WDR91: variants seen among roughly 807,000 people sequenced by gnomAD.
WDR91 encodes the protein WD repeat domain 91, also known as WD repeat-containing protein 91.
In WDR91, 52 loss-of-function variants were observed where a neutral mutation model predicts 88.4. That is an observed-to-expected ratio of 0.59 (90% CI 0.47 to 0.74). WDR91 has a LOEUF of 0.74. Ranked by LOEUF, WDR91 falls within the 30% of genes least tolerant of loss-of-function variation. The pLI is 0.00. For synonymous variants in WDR91, 362 were observed against 389.5 expected (o/e 0.93, Z 0.83); for missense variants, 824 against 954.5 (o/e 0.86, Z 1.80).
At chr7:135,204,033 G>A (rs868701252) in intron 6 of WDR91, among the ~76,000 whole-genome samples, 5 of 152,188 alleles carry the variant, frequency 3.3e-5, no homozygotes, top group Non-Finnish European at 7.3e-5. Flanking sequence ...CTCTCAAATC[G>A]TCTGCTACAG....
Position 135,196,285 on chromosome 7 carries a change from T to C in WDR91, c.1103A>G (p.Glu368Gly). 2 of 1,608,090 alleles carry C rather than the reference T, an allele frequency of 1.2e-6. No individual in the cohort carries two copies. The highest frequency in any genetic ancestry group is 1.1e-5 in the South Asian group (1 of 90,318). The change falls in exon 8 of 15, where the codon GAG becomes GGG. Residue 368 changes from glutamate (E) to glycine (G), a missense_variant. Transcript: ENST00000354475. This position sits in a 1 kb window ranked among gnomAD's most constrained non-coding sequence, Gnocchi z 4.2. The part of the protein sequence containing the change: ...ASGPEAEPCP[E>G]LHTEPVEPLT... Reference sequence around the variant, plus strand: ...TGGCTCCACTGGCTCCGTGTGGAGCTCTGGGCAGGGCTCAGCCTCTGGGCC... The same window carrying C: ...TGGCTCCACTGGCTCCGTGTGGAGCCCTGGGCAGGGCTCAGCCTCTGGGCC...
chr7:135,193,389 G>A lies in WDR91; in HGVS notation c.1501C>T (p.Leu501Phe). The change falls in exon 11 of 15, where the codon CTT becomes TTT. Residue 501 changes from leucine (L) to phenylalanine (F), a missense_variant. Leu to Phe is a conservative substitution (Grantham distance 22). Coordinates refer to ENST00000354475, the MANE Select transcript of WDR91 (RefSeq NM_014149.4). Reference sequence around the variant, plus strand: ...GAGGCCCCGTTGGGGCTGCACGCAAGAGACAGGATTCTGCAACACACATGG... The same window carrying A: ...GAGGCCCCGTTGGGGCTGCACGCAAAAGACAGGATTCTGCAACACACATGG... ...INDNMPRILSLACSPNGASFV... is the reference protein window; with the variant it reads ...INDNMPRILSFACSPNGASFV... 6.2e-7 allele frequency: 1 copy of A among 1,614,162 alleles called. No homozygotes were observed. The highest frequency in any genetic ancestry group is 8.5e-7 in the Non-Finnish European group (1 of 1,180,024).
intron 3 of WDR91, among the ~76,000 whole-genome samples, chr7:135,208,509 A>T (rs1234613286): frequency 6.6e-6 from 1 of 152,142 alleles, no homozygotes; most frequent in Non-Finnish European, 1.5e-5. Flanking sequence ...TTCCAACCCC[A>T]GTGCCTGCTG....
intron 3 of WDR91, among the ~76,000 whole-genome samples, chr7:135,208,574 T>C (rs1055498669): frequency 3.3e-5 from 5 of 152,218 alleles, no homozygotes; most frequent in African/African-American, 1.2e-4. Context: ...ACACGTCAGC[T>C]AATACTTCAG....
intron 11 of WDR91, among the ~76,000 whole-genome samples, chr7:135,190,792 G>C (rs1273030090): frequency 6.6e-6 from 1 of 152,150 alleles, no homozygotes; most frequent in Non-Finnish European, 1.5e-5. Context: ...CAAACTGATG[G>C]ATCTGAAGAA....
chr7:135,209,847 T>C (rs1354948052), intron 1 of WDR91, 92 bp from the exon 2 acceptor site: 8 of 1,211,168 alleles, frequency 6.6e-6, no homozygotes, highest in Non-Finnish European at 6.6e-6. Context: ...TCATGGCTTC[T>C]GGGTGTAAAA....
At position 135,211,254 on chromosome 7, in the gene WDR91, T is replaced by G; in HGVS notation, c.123+126A>C. On this transcript the variant is annotated intron_variant, in intron 1 of 14. Coordinates refer to ENST00000354475, the MANE Select transcript of WDR91 (RefSeq NM_014149.4). ...TCCGTCAAGCTGGGGTCGGACGCGCTGAGGTCTCCGGCGCCCCGGCGCGAG... is the reference window on the plus strand; with the variant it reads ...TCCGTCAAGCTGGGGTCGGACGCGCGGAGGTCTCCGGCGCCCCGGCGCGAG... The G allele has an allele frequency of 2.9e-6, 4 of 1,402,870 alleles. No individual in the cohort carries two copies. The South Asian group carries it at 6.0e-5, about 21-fold the overall frequency. 86.9% of individuals were successfully genotyped at this position (1,402,870 alleles called of 1,614,324 possible). A position where few individuals can be genotyped will look rare whatever the true frequency, so the allele number is the denominator to read the frequency against.
Position 135,185,882 on chromosome 7 carries a change from TC to T in WDR91, c.*268del, listed in dbSNP as rs1429341028. 10 of 437,430 alleles carry T rather than the reference TC, an allele frequency of 2.3e-5. No homozygotes were observed. The highest frequency in any genetic ancestry group is 3.6e-5 in the Non-Finnish European group (9 of 249,976). 27.1% of individuals were successfully genotyped at this position (437,430 alleles called of 1,614,324 possible). On this transcript the variant is annotated 3_prime_UTR_variant, in exon 15 of 15. Coordinates refer to ENST00000354475, the MANE Select transcript of WDR91 (RefSeq NM_014149.4). The stretch of plus-strand genomic sequence containing the variant: ...AACACAGTAGCCACTGCAATGTTTC[TC>T]CTTCTTCCGGAGCTTTCCTCCCATA...
intron 4 of WDR91, among the ~76,000 whole-genome samples, chr7:135,206,479 A>G (rs1463366427): frequency 6.6e-6 from 1 of 152,044 alleles, no homozygotes; most frequent in Non-Finnish European, 1.5e-5. Flanking sequence ...AATTACATAT[A>G]CACACACCCC....
intron 7 of WDR91, chr7:135,197,153 A>AT (rs1831405381): frequency 6.6e-6 from 1 of 152,152 alleles, no homozygotes; most frequent in Admixed American, 6.5e-5. Context: ...GAGTTCAACA[A>AT]TAAAAAAAAA....
At chr7:135,187,347 G>A (rs182360769) in intron 13 of WDR91, among the ~76,000 whole-genome samples, 178 bp from the exon 14 acceptor site, 9 of 152,332 alleles carry the variant, frequency 5.9e-5, no homozygotes, top group Non-Finnish European at 1.0e-4. Flanking sequence ...GTGGGTGAGA[G>A]GTCTACAGGT....
intron 6 of WDR91, chr7:135,199,109 T>A (rs1180531404): frequency 1.3e-5 from 2 of 152,212 alleles, no homozygotes; most frequent in African/African-American, 4.8e-5. Flanking sequence ...TCAACCAAAG[T>A]CTACCTGCTG....
rs111322164 is a variant in WDR91 at position 135,209,130 on chromosome 7, T to C, written c.304-132A>G. ...TAAGTGGCAAAATAAAATTCCATAA[T>C]ATAAAGGAAATCATCACTCTTTTCT... On this transcript the variant is annotated intron_variant, in intron 2 of 14. Transcript: ENST00000354475. 5.1e-4 allele frequency: 346 copies of C among 679,590 alleles called. 2 individuals carry two copies. Among genetic ancestry groups the C allele is most frequent in the African/African-American group, 4.2e-3 (229 of 54,682 alleles). The allele number at this position is 679,590 out of a possible 1,614,324, so 42.1% of individuals were successfully genotyped here.
chr7:135,211,197 G>A (rs1832004990), intron 1 of WDR91, among the ~76,000 whole-genome samples, 183 bp downstream of exon 1: 1 of 152,232 alleles, frequency 6.6e-6, no homozygotes. Context: ...GCTTCAGGCA[G>A]GTCCTGTCCG....
chr7:135,206,566 T>C (rs563609214), intron 4 of WDR91, among the ~76,000 whole-genome samples: 3 of 152,050 alleles, frequency 2.0e-5, no homozygotes, highest in Non-Finnish European at 4.4e-5. Flanking sequence ...CCTAAGGAGA[T>C]CTTAATTTCA....
intron 1 of WDR91, 106 bp downstream of exon 1, chr7:135,211,274 C>A: frequency 2.1e-6 from 3 of 1,450,186 alleles, no homozygotes; most frequent in East Asian, 2.6e-5. Flanking sequence ...GGCGCCCCGG[C>A]GCGAGTGACA....
chr7:135,190,447 A>G (rs1161195842), intron 11 of WDR91, among the ~76,000 whole-genome samples: 1 of 152,196 alleles, frequency 6.6e-6, no homozygotes, highest in Non-Finnish European at 1.5e-5. Flanking sequence ...AAATATTCTC[A>G]GAGATACTGG....
chr7:135,210,913 C>T, intron 1 of WDR91: 1 of 703,682 alleles, frequency 1.4e-6, no homozygotes. Flanking sequence ...ACTGCAGAAG[C>T]AAAATTGCCG....
chr7:135,195,675 G>A (rs369460784), intron 8 of WDR91, among the ~76,000 whole-genome samples: 6 of 152,188 alleles, frequency 3.9e-5, no homozygotes, highest in Non-Finnish European at 7.4e-5. Context: ...GGCCCGGTGC[G>A]GTGGCTTACG....
Sources: gnomAD v4.1 joint callset for allele counts (sites outside exome capture counted in the v4.1 genomes callset) on GRCh38, gnomAD v4.1.1 for gene constraint, Gnocchi (gnomAD v3.1) non-coding constraint, MANE v1.5 for transcripts, NCBI Gene and HGNC (gene_info 2026-07-23, HGNC 2026-07-21) for gene names.